CENPU: variants seen among roughly 807,000 people sequenced by gnomAD.
The protein encoded by CENPU is centromere protein U.
CENPU carries 46 observed loss-of-function variants against 56.7 expected under a neutral mutation model. The observed-to-expected ratio is 0.81, with a 90% CI of 0.64 to 1.04. The LOEUF is 1.04. Among genes scored for constraint, CENPU ranks in the 50% least tolerant of loss-of-function variants. The pLI, the probability that CENPU is intolerant of heterozygous loss-of-function variation, is 0.00. For synonymous variants in CENPU, 166 were observed against 163.0 expected, an observed-to-expected ratio of 1.02 and a Z score of -0.14; for missense variants, 510 against 490.1, an observed-to-expected ratio of 1.04 and a Z score of -0.38.
chr4:184,696,948 A>G (rs946558782), intron 12 of CENPU, among the ~76,000 whole-genome samples: 3 of 150,494 alleles, frequency 2.0e-5, no homozygotes, highest in Non-Finnish European at 4.4e-5. Flanking sequence ...TAGTGCGATC[A>G]CAGCTCAGTG....
intron 4 of CENPU, among the ~76,000 whole-genome samples, chr4:184,720,844 T>G (rs7668009): frequency 0.18 from 27,099 of 151,922 alleles, 2,719 homozygotes; most frequent in African/African-American, 0.26. Context: ...GCTGAGAAAT[T>G]TTATCAACTC....
Position 184,694,113 on chromosome 4 carries a change from A to T in CENPU, c.*1175T>A, listed in dbSNP as rs915675759. 1.9e-6 allele frequency: 1 copy of T among 517,544 alleles called. No individual in the cohort carries two copies. Among genetic ancestry groups the T allele is most frequent in the Non-Finnish European group, 2.5e-6 (1 of 402,920 alleles). 32.1% of individuals were successfully genotyped at this position (517,544 alleles called of 1,614,324 possible). On this transcript the variant is annotated 3_prime_UTR_variant, in exon 13 of 13. Coordinates refer to ENST00000281453, the MANE Select transcript of CENPU (RefSeq NM_024629.4). ...TGGCAACTGTTTTTAATCTTTTTTCAATCCATGTTTACGATTTGCTAAATA... is the reference window on the plus strand; with the variant it reads ...TGGCAACTGTTTTTAATCTTTTTTCTATCCATGTTTACGATTTGCTAAATA...
At chr4:184,717,999 A>T (rs565629466) in intron 4 of CENPU, among the ~76,000 whole-genome samples, 3 of 152,360 alleles carry the variant, frequency 2.0e-5, no homozygotes, top group African/African-American at 7.2e-5. Context: ...TCTAAGAGAA[A>T]ATAACGAACG....
intron 8 of CENPU, among the ~76,000 whole-genome samples, chr4:184,708,222 CAAAAAAAA>C (rs11322939): frequency 2.2e-5 from 2 of 89,840 alleles, no homozygotes; most frequent in Admixed American, 2.6e-4. Context: ...GACTCCATCT[CAAAAAAAA>C]AAAAAAAAAA....
chr4:184,723,702 A>G (rs961989549), intron 4 of CENPU, among the ~76,000 whole-genome samples: 12 of 151,702 alleles, frequency 7.9e-5, no homozygotes, highest in African/African-American at 2.9e-4. Context: ...AATTAGCTGG[A>G]CATGGTGGCA....
intron 8 of CENPU, among the ~76,000 whole-genome samples, chr4:184,706,351 G>C (rs1012846346): frequency 2.6e-5 from 4 of 151,834 alleles, no homozygotes; most frequent in Non-Finnish European, 4.4e-5. Flanking sequence ...AGAAAGTTTT[G>C]TTTTGTTTTT....
chr4:184,703,612 A>G (rs1388471399), intron 8 of CENPU, among the ~76,000 whole-genome samples: 1 of 152,264 alleles, frequency 6.6e-6, no homozygotes, highest in Non-Finnish European at 1.5e-5. Flanking sequence ...TAAATAAATT[A>G]AATTAATTAA....
chr4:184,725,305 G>A (rs1445335428), intron 3 of CENPU, among the ~76,000 whole-genome samples: 1 of 152,146 alleles, frequency 6.6e-6, no homozygotes, highest in African/African-American at 2.4e-5. Context: ...GCACTTACAT[G>A]GAATTATTTT....
Position 184,694,234 on chromosome 4 carries a change from T to C in CENPU, c.*1054A>G, listed in dbSNP as rs1040083630. The C allele has an allele frequency of 3.9e-5, 43 of 1,107,912 alleles. No homozygotes were observed. The highest frequency in any genetic ancestry group is 4.5e-5 in the Non-Finnish European group (41 of 906,574). 68.6% of individuals were successfully genotyped at this position (1,107,912 alleles called of 1,614,324 possible). ...GCTGGACTGTCCACTTGTTAAAAAATTAAATCCACCCTTGCTCTTCCGTCG... is the reference window on the plus strand; with the variant it reads ...GCTGGACTGTCCACTTGTTAAAAAACTAAATCCACCCTTGCTCTTCCGTCG... On this transcript the variant is annotated 3_prime_UTR_variant, in exon 13 of 13. Transcript: ENST00000281453.
Position 184,716,435 on chromosome 4 carries a change from A to G in CENPU, c.580T>C (p.Ser194Pro), listed in dbSNP as rs746976422. ...KKTGPLSAQP[S>P]VEKENLAIES... is the part of the protein sequence containing the mutation. The stretch of plus-strand genomic sequence containing the variant: ...ATTGCCAAGTTCTCTTTTTCAACAG[A>G]GGGCTGGGCACTAAGGGGTCCTGTC... Residue 194 changes from serine (S) to proline (P), a missense_variant, in exon 6 of 13, where the codon TCT becomes CCT. Physicochemically the swap from Ser to Pro is moderately conservative, Grantham distance 74. Coordinates refer to ENST00000281453, the MANE Select transcript of CENPU (RefSeq NM_024629.4). 2 of 1,614,038 alleles carry G rather than the reference A, an allele frequency of 1.2e-6. No individual in the cohort carries two copies. Among genetic ancestry groups the G allele is most frequent in the South Asian group, 2.2e-5 (2 of 91,050 alleles).
chr4:184,698,102 T>C lies in CENPU; in HGVS notation c.987-299A>G, dbSNP rs183563932. ...CTTGGGAACTACTGGATCAAATGTA[T>C]GCCTGGTTGACATTCAGAGGCTCGC... On this transcript the variant is annotated intron_variant, in intron 11 of 12. Transcript: ENST00000281453. 36 of 259,434 alleles carry C rather than the reference T, an allele frequency of 1.4e-4. No individual in the cohort carries two copies. The East Asian group carries it at 3.7e-3, about 27-fold the overall frequency. The allele number at this position is 259,434 out of a possible 1,614,324, so 16.1% of individuals were successfully genotyped here.
intron 11 of CENPU, chr4:184,698,146 TAC>T (rs1760404498): frequency 4.9e-6 from 1 of 202,150 alleles, no homozygotes; most frequent in African/African-American, 2.4e-5. Context: ...AGCCAGGCAC[TAC>T]AGTCTAACAC....
At chr4:184,698,782 C>T (rs1017600450) in intron 11 of CENPU, among the ~76,000 whole-genome samples, 3 of 152,182 alleles carry the variant, frequency 2.0e-5, no homozygotes, top group Non-Finnish European at 4.4e-5. Flanking sequence ...AAATGCAGCG[C>T]TGGGGAAAAC....
intron 1 of CENPU, among the ~76,000 whole-genome samples, chr4:184,731,305 C>T (rs372719594): frequency 1.1e-4 from 17 of 152,300 alleles, no homozygotes; most frequent in African/African-American, 3.8e-4. Flanking sequence ...GGCTCTCCTA[C>T]GTCCTTTTCT....
Position 184,694,171 on chromosome 4 carries a change from T to C in CENPU, c.*1117A>G, listed in dbSNP as rs145314724. On this transcript the variant is annotated 3_prime_UTR_variant, in exon 13 of 13. Coordinates refer to ENST00000281453, the MANE Select transcript of CENPU (RefSeq NM_024629.4). ...ATTTAAAGCATGGGTACTAAGTCCA[T>C]TGTCAAGATAGCAAATTTATCTTCT... The C allele has an allele frequency of 0.01, 10,141 of 1,001,554 alleles. 65 individuals carry two copies. Among genetic ancestry groups the C allele is most frequent in the Middle Eastern group, 0.018 (37 of 2,038 alleles). The allele number at this position is 1,001,554 out of a possible 1,614,324, so 62.0% of individuals were successfully genotyped here.
chr4:184,695,348 T>C lies in CENPU; in HGVS notation c.1197A>G (p.Gly399=). The C allele has an allele frequency of 6.2e-7, 1 of 1,613,624 alleles. No homozygotes were observed. The highest frequency in any genetic ancestry group is 8.5e-7 in the Non-Finnish European group (1 of 1,179,606). ...TGATATTTCGCAGATGGCTTTCGGCTCCCAGAAGTGTTCTTGCTTTAAATA... is the reference window on the plus strand; with the variant it reads ...TGATATTTCGCAGATGGCTTTCGGCCCCCAGAAGTGTTCTTGCTTTAAATA... ...ALLFKARTLL[G]AESHLRNINH... Residue 399 remains glycine, a synonymous_variant, in exon 13 of 13, where the codon GGA becomes GGG. Transcript: ENST00000281453.
intron 1 of CENPU, chr4:184,733,376 C>G (rs1354317739): frequency 3.0e-6 from 3 of 989,784 alleles, no homozygotes; most frequent in Non-Finnish European, 3.6e-6. Context: ...GCTTTGTGCA[C>G]CGTCTGCAGC....
At position 184,695,375 on chromosome 4, in the gene CENPU, C is replaced by CA. The variant is rs750418298; in HGVS notation, c.1169dup (p.Leu391ValfsTer3). ...CCAGAAGTGTTCTTGCTTTAAATAACAGAGCTGGAAGGCTGGATGAATCAT... is the reference window on the plus strand; with the variant it reads ...CCAGAAGTGTTCTTGCTTTAAATAACAAGAGCTGGAAGGCTGGATGAATCAT... On this transcript the variant is annotated frameshift_variant, in exon 13 of 13. Transcript: ENST00000281453. LOFTEE classifies it high-confidence loss of function. The CA allele has an allele frequency of 6.2e-7, 1 of 1,613,036 alleles. No individual in the cohort carries two copies. The highest frequency in any genetic ancestry group is 1.3e-5 in the African/African-American group (1 of 75,010).
At chr4:184,726,509 G>A (rs1034807395) in intron 3 of CENPU, among the ~76,000 whole-genome samples, 2 of 152,120 alleles carry the variant, frequency 1.3e-5, no homozygotes, top group Admixed American at 6.5e-5. Context: ...GCAAGTGTAG[G>A]CAAGGATGTG....
Sources: gnomAD v4.1 joint callset for allele counts (sites outside exome capture counted in the v4.1 genomes callset) on GRCh38, gnomAD v4.1.1 for gene constraint, MANE v1.5 for transcripts, NCBI Gene and HGNC (gene_info 2026-07-23, HGNC 2026-07-21) for gene names.